The following PAX2 variants were observed in gnomAD, a reference collection of about 807,000 sequenced individuals.
PAX2 encodes paired box 2.
A neutral mutation model predicts 41.7 loss-of-function variants in PAX2; 9 were observed. That is an observed-to-expected ratio of 0.22 (90% CI 0.13 to 0.38). The LOEUF is 0.38. Ranked by LOEUF, PAX2 falls within the 10% of genes least tolerant of loss-of-function variation. The pLI is 1.00. For missense variants in PAX2, 418 were observed against 531.6 expected (o/e 0.79, Z 2.10); for synonymous variants, 221 against 212.7 (o/e 1.04, Z -0.34).
In PAX2 at chr10:100,827,598, C is replaced by T. The variant is rs1430138297; in HGVS notation, c.1164C>T (p.Ala388=). The stretch of plus-strand genomic sequence containing the variant: ...GGGGCTCCGCCCCTGCCGCTGCTGC[C>T]GCTGCCTATGACCGCCACTAGTTAC... The part of the protein sequence containing the change: ...APRGSAPAAA[A]AAYDRH Residue 388 remains alanine (A), a synonymous_variant, in exon 10 of 10, where the codon GCC becomes GCT. Coordinates refer to ENST00000355243, the MANE Select transcript of PAX2 (RefSeq NM_000278.5). This position sits in a 1 kb window ranked among gnomAD's most constrained non-coding sequence, Gnocchi z 8.5. 2 of 1,613,666 alleles carry T rather than the reference C, an allele frequency of 1.2e-6. No homozygotes were observed. The highest frequency in any genetic ancestry group is 1.3e-5 in the African/African-American group (1 of 74,888).
chr10:100,768,464 T>A (rs1017641023), intron 3 of PAX2, among the ~76,000 whole-genome samples: 3 of 152,198 alleles, frequency 2.0e-5, no homozygotes, highest in Admixed American at 1.3e-4. Flanking sequence ...AATCTAAAAT[T>A]GTGATTTGTT....
At chr10:100,776,846 A>G (rs1057184013) in intron 3 of PAX2, among the ~76,000 whole-genome samples, 1 of 152,200 alleles carries the variant, frequency 6.6e-6, no homozygotes, top group Admixed American at 6.5e-5. Flanking sequence ...AACTCTGACC[A>G]TTCTGCCTTC....
At chr10:100,800,045 C>T (rs1847497879) in intron 5 of PAX2, among the ~76,000 whole-genome samples, 1 of 151,984 alleles carries the variant, frequency 6.6e-6, no homozygotes, top group East Asian at 1.9e-4. Flanking sequence ...TCAAGCCTCC[C>T]AAGGTGCTGG....
chr10:100,782,625 C>T (rs945264890), intron 5 of PAX2, among the ~76,000 whole-genome samples: 3 of 152,256 alleles, frequency 2.0e-5, no homozygotes, highest in African/African-American at 7.2e-5. Flanking sequence ...TGGCGCTGGC[C>T]TCCTTCCAGA....
rs1307542099 is a variant in PAX2, at chr10:100,827,689, C to A, written c.*70C>A. 1 of 1,612,856 alleles carries A rather than the reference C, an allele frequency of 6.2e-7. No homozygotes were observed. The highest frequency in any genetic ancestry group is 1.1e-5 in the South Asian group (1 of 91,018). ...TCCACATCGTCCCCGTCTGACCCCA[C>A]CCCGGAGGGAGGGAGGACCGACGCG... On this transcript the variant is annotated 3_prime_UTR_variant, in exon 10 of 10. Coordinates refer to ENST00000355243, the MANE Select transcript of PAX2 (RefSeq NM_000278.5). The surrounding 1 kb of genome is among the most constrained non-coding windows in gnomAD (Gnocchi z 8.5).
At position 100,826,770 on chromosome 10, in the gene PAX2, A is replaced by G. The variant is rs1012324397; in HGVS notation, c.1022-239A>G. Reference sequence around the variant, plus strand: ...GGAAGCCCTGGGCGGGCACCGGCCCACAGGTCCCGCCCGTGGGTGTGCGAG... The same window carrying G: ...GGAAGCCCTGGGCGGGCACCGGCCCGCAGGTCCCGCCCGTGGGTGTGCGAG... On this transcript the variant is annotated intron_variant, in intron 8 of 9. Coordinates refer to ENST00000355243, the MANE Select transcript of PAX2 (RefSeq NM_000278.5). This position sits in a 1 kb window ranked among gnomAD's most constrained non-coding sequence, Gnocchi z 5.5. Among the ~76,000 whole-genome samples, 33 of 152,132 alleles carry G rather than the reference A, an allele frequency of 2.2e-4. No homozygotes were observed. Among genetic ancestry groups the G allele is most frequent in the African/African-American group, 8.0e-4 (33 of 41,448 alleles).
rs1315813971 is a variant in PAX2, at chr10:100,828,454, CTT to C, written c.*836_*837del. The C allele has an allele frequency of 1.7e-5, 4 of 234,372 alleles. No individual in the cohort carries two copies. Among genetic ancestry groups the C allele is most frequent in the Non-Finnish European group, 2.5e-5 (3 of 118,960 alleles). The allele number at this position is 234,372 out of a possible 1,614,324, so 14.5% of individuals were successfully genotyped here. A position where few individuals can be genotyped will look rare whatever the true frequency, so the allele number is the denominator to read the frequency against. On this transcript the variant is annotated 3_prime_UTR_variant, in exon 10 of 10. Transcript: ENST00000355243. The surrounding 1 kb of genome is among the most constrained non-coding windows in gnomAD (Gnocchi z 6.5). ...CTGCCTTGCCCCTACCTCAGCGTCT[CTT>C]CCACCTGCTGGCCTCCCAGTTTCCC...
At chr10:100,772,288 G>A (rs1206261044) in intron 3 of PAX2, among the ~76,000 whole-genome samples, 1 of 151,806 alleles carries the variant, frequency 6.6e-6, no homozygotes, top group African/African-American at 2.4e-5. Context: ...CGAGTAGCTG[G>A]AACCACAAGC....
intron 3 of PAX2, among the ~76,000 whole-genome samples, chr10:100,754,863 A>G (rs1203895399): frequency 1.3e-5 from 2 of 152,160 alleles, no homozygotes; most frequent in Non-Finnish European, 2.9e-5. Flanking sequence ...CCACATCTCC[A>G]TATCTTTGTA....
chr10:100,778,517 C>A (rs557978130), intron 3 of PAX2, among the ~76,000 whole-genome samples: 1 of 152,136 alleles, frequency 6.6e-6, no homozygotes, highest in African/African-American at 2.4e-5. Context: ...GCTTGTGACT[C>A]ACCTGGCTGG....
intron 5 of PAX2, among the ~76,000 whole-genome samples, chr10:100,786,397 C>T (rs1206842776): frequency 6.6e-6 from 1 of 152,238 alleles, no homozygotes; most frequent in East Asian, 1.9e-4. Context: ...ATCTCTCCCT[C>T]TATTCATCTG....
chr10:100,805,932 A>G (rs1318423312), intron 5 of PAX2, among the ~76,000 whole-genome samples: 1 of 152,174 alleles, frequency 6.6e-6, no homozygotes, highest in Non-Finnish European at 1.5e-5. Context: ...TACTTCACCC[A>G]GTCTCCAGGT....
chr10:100,769,292 A>G (rs1846127904), intron 3 of PAX2, among the ~76,000 whole-genome samples: 1 of 152,224 alleles, frequency 6.6e-6, no homozygotes, highest in Non-Finnish European at 1.5e-5. Context: ...CCTGGTACAT[A>G]GTAAGTGTAT....
intron 7 of PAX2, among the ~76,000 whole-genome samples, chr10:100,818,121 G>C (rs889368345): frequency 1.3e-5 from 2 of 152,188 alleles, no homozygotes; most frequent in African/African-American, 4.8e-5. Context: ...CTTGAGGATA[G>C]GGCAGTAAAA....
Position 100,781,298 on chromosome 10 carries a change from A to T in PAX2, c.549A>T (p.Gly183=). The T allele has an allele frequency of 1.2e-6, 2 of 1,613,272 alleles. No individual in the cohort carries two copies. Among genetic ancestry groups the T allele is most frequent in the Non-Finnish European group, 1.7e-6 (2 of 1,179,264 alleles). The part of the protein sequence containing the change: ...PVSSASNDPV[G]SYSINGILGI... ...CCAGCGCCTCCAATGACCCAGTGGGATCCTACTCCATCAATGGGATCCTGG... is the reference window on the plus strand; with the variant it reads ...CCAGCGCCTCCAATGACCCAGTGGGTTCCTACTCCATCAATGGGATCCTGG... Residue 183 remains glycine, a synonymous_variant, in exon 5 of 10, where the codon GGA becomes GGT. Coordinates refer to ENST00000355243, the MANE Select transcript of PAX2 (RefSeq NM_000278.5).
At chr10:100,763,750 CT>C (rs1564714190) in intron 3 of PAX2, among the ~76,000 whole-genome samples, 2 of 152,188 alleles carry the variant, frequency 1.3e-5, no homozygotes, top group Non-Finnish European at 2.9e-5. Flanking sequence ...TAGGTGCTTG[CT>C]AAGCACCTAC....
intron 3 of PAX2, among the ~76,000 whole-genome samples, chr10:100,761,667 G>T (rs1468263630): frequency 6.6e-6 from 1 of 152,228 alleles, no homozygotes; most frequent in African/African-American, 2.4e-5. Flanking sequence ...CTTTGTTTAT[G>T]TGGAAAATTA....
intron 5 of PAX2, among the ~76,000 whole-genome samples, chr10:100,799,151 G>C (rs1484025620): frequency 6.6e-6 from 1 of 152,184 alleles, no homozygotes; most frequent in Non-Finnish European, 1.5e-5. Flanking sequence ...ATCAGAACGG[G>C]CAGAGCCCCC....
intron 4 of PAX2, among the ~76,000 whole-genome samples, chr10:100,780,763 G>A (rs970903723): frequency 6.6e-6 from 1 of 152,208 alleles, no homozygotes; most frequent in African/African-American, 2.4e-5. Context: ...ATCAGGATTG[G>A]TAAAGACTCA....
Sources: gnomAD v4.1 joint callset for allele counts (sites outside exome capture counted in the v4.1 genomes callset) on GRCh38, gnomAD v4.1.1 for gene constraint, Gnocchi (gnomAD v3.1) non-coding constraint, MANE v1.5 for transcripts, NCBI Gene and HGNC (gene_info 2026-07-23, HGNC 2026-07-21) for gene names.